The following ADARB2 variants were observed in gnomAD, a reference collection of about 807,000 sequenced individuals.
ADARB2 encodes the protein inactive double-stranded RNA-specific editase B2.
Under a neutral mutation model 62.2 loss-of-function variants are expected in ADARB2, and 25 were observed. The observed-to-expected ratio is 0.40, with a 90% confidence interval of 0.29 to 0.56. The LOEUF is 0.56. Ranked by LOEUF, ADARB2 falls within the 20% of genes least tolerant of loss-of-function variation. The pLI, the probability that ADARB2 is intolerant of heterozygous loss-of-function variation, is 0.43. For missense variants in ADARB2, 1,071 were observed against 1,077.4 expected (o/e 0.99, Z 0.08); for synonymous variants, 572 against 500.8 (o/e 1.14, Z -1.90).
chr10:1,654,998 C>T (rs561163424), intron 1 of ADARB2, among the ~76,000 whole-genome samples: 2 of 152,356 alleles, frequency 1.3e-5, no homozygotes, highest in South Asian at 4.1e-4. Context: ...GCACAGCAGG[C>T]AGGCGTGAGG....
intron 4 of ADARB2, among the ~76,000 whole-genome samples, chr10:1,258,696 A>T (rs2131788432): frequency 6.6e-6 from 1 of 152,322 alleles, no homozygotes; most frequent in South Asian, 2.1e-4. Flanking sequence ...CCACAATAAT[A>T]ATGGGAGACT....
chr10:1,630,942 G>A lies in ADARB2; in HGVS notation c.100+106109C>T, dbSNP rs181446835. The stretch of plus-strand genomic sequence containing the variant: ...TGCACTCCAGCCTGGGTGACAGAGC[G>A]AGACTCCTTCTCAAAAACAAACAAA... On this transcript the variant is annotated intron_variant, in intron 1 of 9. Coordinates refer to ENST00000381312, the MANE Select transcript of ADARB2 (RefSeq NM_018702.4). 1.9e-3 allele frequency among the ~76,000 whole-genome samples: 292 copies of A among 151,118 alleles called. 1 individual carries two copies. The highest frequency in any genetic ancestry group is 3.3e-3 in the Non-Finnish European group (221 of 67,898).
chr10:1,324,270 C>A (rs1259593799), intron 3 of ADARB2, among the ~76,000 whole-genome samples: 4 of 152,174 alleles, frequency 2.6e-5, no homozygotes, highest in African/African-American at 9.7e-5. Flanking sequence ...TGAGAAGGGC[C>A]CGGGTGGGTC....
At chr10:1,307,320 C>G (rs1296460497) in intron 3 of ADARB2, among the ~76,000 whole-genome samples, 1 of 116,758 alleles carries the variant, frequency 8.6e-6, no homozygotes, top group Non-Finnish European at 1.9e-5. Context: ...CCAAAAAACA[C>G]ATGAAAAAAT....
intron 1 of ADARB2, among the ~76,000 whole-genome samples, chr10:1,527,264 A>G (rs141894401): frequency 6.6e-6 from 1 of 152,366 alleles, no homozygotes; most frequent in African/African-American, 2.4e-5. Flanking sequence ...CATTTACGAT[A>G]TGACTCTGCT....
chr10:1,496,981 G>T (rs1279319634), intron 1 of ADARB2, among the ~76,000 whole-genome samples: 1 of 152,144 alleles, frequency 6.6e-6, no homozygotes, highest in East Asian at 1.9e-4. Flanking sequence ...TGACCCAGTG[G>T]TAAGGACCTG....
At chr10:1,516,198 C>T (rs1832006466) in intron 1 of ADARB2, among the ~76,000 whole-genome samples, 1 of 152,192 alleles carries the variant, frequency 6.6e-6, no homozygotes, top group African/African-American at 2.4e-5. Flanking sequence ...ACCTTCCTTC[C>T]TCGTGTCCTG....
Position 1,247,430 on chromosome 10 carries a change from A to T in ADARB2, c.1193-5131T>A, listed in dbSNP as rs548491145. Among the ~76,000 whole-genome samples the T allele has an allele frequency of 8.5e-5, 13 of 152,336 alleles. No homozygotes were observed. In the East Asian group the frequency reaches 2.5e-3, roughly 29 times the overall value. On this transcript the variant is annotated intron_variant, in intron 4 of 9. Transcript: ENST00000381312. ...GCCAGTTTTCAAAGGGAATGCTTCC[A>T]GTTTTTGCCCATTCAGTATGATATT...
At chr10:1,498,882 C>T (rs1400742108) in intron 1 of ADARB2, among the ~76,000 whole-genome samples, 1 of 152,022 alleles carries the variant, frequency 6.6e-6, no homozygotes, top group African/African-American at 2.4e-5. Flanking sequence ...TCAGTCATTA[C>T]TCATTCATCA....
chr10:1,396,081 G>C (rs1223018596), intron 1 of ADARB2, among the ~76,000 whole-genome samples: 1 of 152,212 alleles, frequency 6.6e-6, no homozygotes, highest in Non-Finnish European at 1.5e-5. Context: ...TAGTTAACTG[G>C]AAAGCGAGCA....
At chr10:1,671,469 G>C (rs902471777) in intron 1 of ADARB2, among the ~76,000 whole-genome samples, 1 of 152,162 alleles carries the variant, frequency 6.6e-6, no homozygotes, top group African/African-American at 2.4e-5. Context: ...ATCACCACCC[G>C]TCACACCTGC....
intron 1 of ADARB2, among the ~76,000 whole-genome samples, chr10:1,518,565 G>C (rs1474221464): frequency 2.0e-5 from 3 of 152,260 alleles, no homozygotes; most frequent in African/African-American, 7.2e-5. Context: ...ATGTCTGCAT[G>C]TGGTGTGGTC....
At chr10:1,644,614 G>A (rs1039470416) in intron 1 of ADARB2, among the ~76,000 whole-genome samples, 8 of 152,260 alleles carry the variant, frequency 5.3e-5, no homozygotes, top group African/African-American at 1.9e-4. Flanking sequence ...GTCTTGTCCT[G>A]CCAGGCGCCT....
chr10:1,633,027 G>A (rs1460093624), intron 1 of ADARB2, among the ~76,000 whole-genome samples: 1 of 152,134 alleles, frequency 6.6e-6, no homozygotes, highest in Admixed American at 6.5e-5. Context: ...CGCCTCTGCT[G>A]GAGTGGGCCT....
intron 1 of ADARB2, among the ~76,000 whole-genome samples, chr10:1,500,360 T>C (rs572284426): frequency 6.6e-6 from 1 of 152,356 alleles, no homozygotes; most frequent in South Asian, 2.1e-4. Flanking sequence ...TTTTTCTCTG[T>C]CTTTGGAAAG....
At chr10:1,583,571 T>A (rs1833134811) in intron 1 of ADARB2, among the ~76,000 whole-genome samples, 1 of 152,102 alleles carries the variant, frequency 6.6e-6, no homozygotes, top group African/African-American at 2.4e-5. Context: ...ACTACGAAAC[T>A]CGAAAGAAAG....
In ADARB2 at chr10:1,657,001, T is replaced by TTGTGTGTG. The variant is rs58944098; in HGVS notation, c.100+80042_100+80049dup. Among the ~76,000 whole-genome samples, 829 of 148,804 alleles carry TTGTGTGTG rather than the reference T, an allele frequency of 5.6e-3. 4 individuals are homozygous for TTGTGTGTG. The highest frequency in any genetic ancestry group is 0.01 in the Middle Eastern group (3 of 294). On this transcript the variant is annotated intron_variant, in intron 1 of 9. Coordinates refer to ENST00000381312, the MANE Select transcript of ADARB2 (RefSeq NM_018702.4). ...AAAGCAGTGGTACCCATCTAGTGTT[T>TTGTGTGTG]TGTGTGTGTGTGTGTGTGTGTGTGT...
intron 9 of ADARB2, among the ~76,000 whole-genome samples, chr10:1,183,745 A>G (rs1836712027): frequency 6.6e-6 from 1 of 152,118 alleles, no homozygotes; most frequent in Admixed American, 6.5e-5. Context: ...AGGATGATGG[A>G]GCTGGGGCGT....
At chr10:1,567,534 C>G (rs927321497) in intron 1 of ADARB2, among the ~76,000 whole-genome samples, 1 of 152,178 alleles carries the variant, frequency 6.6e-6, no homozygotes, top group Non-Finnish European at 1.5e-5. Flanking sequence ...AAACTGCCCC[C>G]ACTCTGAAGA....
Sources: allele counts gnomAD v4.1 joint callset (sites outside exome capture counted in the v4.1 genomes callset), GRCh38; gene constraint gnomAD v4.1.1; transcripts MANE v1.5; gene names NCBI Gene and HGNC (gene_info 2026-07-23, HGNC 2026-07-21).